Variants in SCAPER observed in about 807,000 individuals in gnomAD.
The protein encoded by SCAPER is S phase cyclin A-associated protein in the endoplasmic reticulum.
SCAPER carries 98 observed loss-of-function variants against 182.2 expected under a neutral mutation model. The observed-to-expected ratio is 0.54, with a 90% CI of 0.46 to 0.64. SCAPER has a LOEUF of 0.64. Among genes scored for constraint, SCAPER ranks in the 30% least tolerant of loss-of-function variants. The pLI is 0.00. For synonymous variants in SCAPER, 605 were observed against 564.6 expected (o/e 1.07, Z -1.01); for missense variants, 1,432 against 1,690.0 (o/e 0.85, Z 2.68).
intron 25 of SCAPER, among the ~76,000 whole-genome samples, chr15:76,468,524 CA>C (rs1567201941): frequency 6.6e-6 from 1 of 152,014 alleles, no homozygotes; most frequent in African/African-American, 2.4e-5. Context: ...ACTAGGCTTT[CA>C]AAGAAGAAGA....
chr15:76,738,384 T>C (rs2061381908), intron 15 of SCAPER, among the ~76,000 whole-genome samples: 1 of 152,176 alleles, frequency 6.6e-6, no homozygotes, highest in African/African-American at 2.4e-5. Context: ...ATAAGCATTA[T>C]CATTTCCAGC....
chr15:76,806,246 T>A (rs1232602644), intron 5 of SCAPER, among the ~76,000 whole-genome samples: 5 of 152,212 alleles, frequency 3.3e-5, no homozygotes, highest in Admixed American at 2.6e-4. Flanking sequence ...CCAAATTCAT[T>A]TGTTGCACAC....
At chr15:76,757,625 A>G (rs538875473) in intron 14 of SCAPER, among the ~76,000 whole-genome samples, 6 of 152,274 alleles carry the variant, frequency 3.9e-5, no homozygotes, top group Non-Finnish European at 7.4e-5. Flanking sequence ...ATATATACCC[A>G]GAAGAAGAAC....
chr15:76,417,058 C>T (rs1179505971), intron 26 of SCAPER, among the ~76,000 whole-genome samples: 1 of 151,538 alleles, frequency 6.6e-6, no homozygotes, highest in Non-Finnish European at 1.5e-5. Flanking sequence ...GCACACACAC[C>T]CTGTCTCTAA....
intron 21 of SCAPER, among the ~76,000 whole-genome samples, chr15:76,656,857 A>G (rs2055681780): frequency 2.0e-5 from 3 of 152,230 alleles, no homozygotes; most frequent in Admixed American, 2.0e-4. Flanking sequence ...AATGAGAAAA[A>G]AAGATATGAC....
intron 25 of SCAPER, among the ~76,000 whole-genome samples, chr15:76,462,856 C>G (rs1353144607): frequency 6.6e-6 from 1 of 152,062 alleles, no homozygotes; most frequent in African/African-American, 2.4e-5. Context: ...AATGGGCAGT[C>G]CGTTAAGTAA....
intron 22 of SCAPER, among the ~76,000 whole-genome samples, chr15:76,581,127 A>C (rs2048237737): frequency 6.6e-6 from 1 of 152,200 alleles, no homozygotes; most frequent in South Asian, 2.1e-4. Context: ...TGAGACCAGT[A>C]AACAACTAAT....
chr15:76,720,469 G>A (rs1313654709), intron 17 of SCAPER, among the ~76,000 whole-genome samples: 1 of 152,158 alleles, frequency 6.6e-6, no homozygotes, highest in Non-Finnish European at 1.5e-5. Context: ...GGGTCAAATG[G>A]TATTTCTAGT....
At chr15:76,812,511 A>C (rs1199130037) in intron 5 of SCAPER, among the ~76,000 whole-genome samples, 3 of 151,558 alleles carry the variant, frequency 2.0e-5, no homozygotes, top group Admixed American at 6.6e-5. Context: ...GAAAGAAAGA[A>C]AGAAAGACAG....
chr15:76,888,086 C>T (rs1213034033), intron 1 of SCAPER, among the ~76,000 whole-genome samples: 1 of 152,192 alleles, frequency 6.6e-6, no homozygotes, highest in Non-Finnish European at 1.5e-5. Context: ...AGCTGAGGGA[C>T]CTGACTGTTA....
rs144981040 is a variant in SCAPER at position 76,665,571 on chromosome 15, AC to A, written c.2645+81del. 243 of 1,449,368 alleles carry A rather than the reference AC, an allele frequency of 1.7e-4. 2 individuals are homozygous for A. In the African/African-American group the frequency reaches 3.2e-3, roughly 19 times the overall value. The allele number at this position is 1,449,368 out of a possible 1,614,324, so 89.8% of individuals were successfully genotyped here. On this transcript the variant is annotated intron_variant, in intron 21 of 31. Coordinates refer to ENST00000563290, the MANE Select transcript of SCAPER (RefSeq NM_020843.4). The stretch of plus-strand genomic sequence containing the variant: ...GCTTTCATGAAGCAAACAACTTTAA[AC>A]TTTTTTTGTCTTCCTTGGATTTACA...
At chr15:76,811,772 G>A (rs1197112196) in intron 5 of SCAPER, among the ~76,000 whole-genome samples, 1 of 150,524 alleles carries the variant, frequency 6.6e-6, no homozygotes, top group East Asian at 2.0e-4. Flanking sequence ...TGGGCAACAA[G>A]AGTGAAACTC....
At position 76,621,791 on chromosome 15, in the gene SCAPER, G is replaced by C; in HGVS notation, c.2684C>G (p.Ser895Cys). 6.2e-7 allele frequency: 1 copy of C among 1,608,218 alleles called. No individual in the cohort carries two copies. Among genetic ancestry groups the C allele is most frequent in the Non-Finnish European group, 8.5e-7 (1 of 1,177,268 alleles). Residue 895 changes from serine to cysteine, a missense_variant, in exon 22 of 32, where the codon TCT becomes TGT. By Grantham distance (112) the Ser-to-Cys change is moderately radical. Around this residue, in one of 5 missense-constraint regions of SCAPER, gnomAD observed 718 missense variants for 799.7 expected, o/e 0.90. Transcript: ENST00000563290. ...TGCTTTATAAGGTGAATCAGAGCCA[G>C]AATTTTTGGTTTCCATTAAACTCTC... ...EYESLMETKN[S>C]GSDSPYKAKL...
intron 25 of SCAPER, among the ~76,000 whole-genome samples, chr15:76,451,009 T>C (rs972688931): frequency 3.3e-5 from 5 of 152,238 alleles, no homozygotes; most frequent in Admixed American, 3.3e-4. Context: ...TTGTGCCCCT[T>C]TGAAGTCAAT....
intron 27 of SCAPER, among the ~76,000 whole-genome samples, chr15:76,389,815 CAAAA>C (rs34780168): frequency 7.2e-4 from 69 of 95,562 alleles, no homozygotes; most frequent in African/African-American, 2.9e-3. Flanking sequence ...GACTCCGTCT[CAAAA>C]AAAAAAAAAA....
chr15:76,431,348 T>C (rs1201573714), intron 26 of SCAPER, among the ~76,000 whole-genome samples: 2 of 152,218 alleles, frequency 1.3e-5, no homozygotes, highest in African/African-American at 2.4e-5. Context: ...TACTTTGAAT[T>C]GAAAAATATT....
At chr15:76,578,724 GATACCTGGA>G (rs2048040964) in intron 22 of SCAPER, among the ~76,000 whole-genome samples, 1 of 152,184 alleles carries the variant, frequency 6.6e-6, no homozygotes, top group Non-Finnish European at 1.5e-5. Flanking sequence ...AGTCCCTTTG[GATACCTGGA>G]AAACATTCCC....
chr15:76,716,379 T>C (rs980565241), intron 17 of SCAPER, among the ~76,000 whole-genome samples: 1 of 152,032 alleles, frequency 6.6e-6, no homozygotes, highest in Non-Finnish European at 1.5e-5. Flanking sequence ...ACAAACATCA[T>C]GGCAGGGTCA....
chr15:76,524,689 GTTTTTTTT>G (rs35944222), intron 23 of SCAPER, among the ~76,000 whole-genome samples: 2 of 50,116 alleles, frequency 4.0e-5, no homozygotes, highest in African/African-American at 8.3e-5. Flanking sequence ...TTTTTGTTCT[GTTTTTTTT>G]TTTTTTTTTT....
Sources: allele counts gnomAD v4.1 joint callset (sites outside exome capture counted in the v4.1 genomes callset), GRCh38; gene constraint gnomAD v4.1.1; regional missense constraint gnomAD v4.1.1; transcripts MANE v1.5; gene names NCBI Gene and HGNC (gene_info 2026-07-23, HGNC 2026-07-21).